The following TYR variants were observed in gnomAD, a reference collection of about 807,000 sequenced individuals.
The protein encoded by TYR is LB24-AB.
In TYR, 58 loss-of-function variants were observed where a neutral mutation model predicts 51.5. That is an observed-to-expected ratio of 1.13 (90% CI 0.91 to 1.40). The LOEUF (loss-of-function observed/expected upper bound fraction) is 1.40. Among genes scored for constraint, TYR ranks in the 40% most tolerant of loss-of-function variants. The pLI, the probability that TYR is intolerant of heterozygous loss-of-function variation, is 0.00. For synonymous variants in TYR, 263 were observed against 235.2 expected (o/e 1.12, Z -1.08); for missense variants, 732 against 647.4 (o/e 1.13, Z -1.42).
In TYR at chr11:89,220,712, C is replaced by T. The variant is rs931179880; in HGVS notation, c.1037-7111C>T. On this transcript the variant is annotated intron_variant, in intron 2 of 4. Coordinates refer to ENST00000263321, the MANE Select transcript of TYR (RefSeq NM_000372.5). ...GAGGTTGCAGTGAGCGGAGATCACA[C>T]CACTGCACTCCAGCGCCTGGGCAAC... Among the ~76,000 whole-genome samples the T allele has an allele frequency of 2.6e-5, 4 of 152,210 alleles. No individual in the cohort carries two copies. In the South Asian group the frequency reaches 6.2e-4, roughly 24 times the overall value.
At position 89,251,549 on chromosome 11, in the gene TYR, A is replaced by G. The variant is rs1188101194; in HGVS notation, c.1184+23579A>G. The stretch of plus-strand genomic sequence containing the variant: ...CAGGAAAGAAATATTACTAAATTCA[A>G]AAAGTCAAAGAGGAAATGGCAGCTG... On this transcript the variant is annotated intron_variant, in intron 3 of 4. Coordinates refer to ENST00000263321, the MANE Select transcript of TYR (RefSeq NM_000372.5). 4.6e-5 allele frequency among the ~76,000 whole-genome samples: 7 copies of G among 151,944 alleles called. 1 individual carries two copies. The East Asian group carries it at 1.3e-3, about 29-fold the overall frequency.
intron 3 of TYR, among the ~76,000 whole-genome samples, chr11:89,269,783 C>A (rs1035796928): frequency 4.0e-5 from 6 of 151,864 alleles, no homozygotes; most frequent in Non-Finnish European, 8.8e-5. Flanking sequence ...GTGTGGAGTT[C>A]TCTTAAAGGG....
At chr11:89,229,964 C>G (rs66887520) in intron 3 of TYR, among the ~76,000 whole-genome samples, 14,726 of 151,966 alleles carry the variant, frequency 0.097, 1,013 homozygotes, top group African/African-American at 0.19. Context: ...AATTACTATA[C>G]TACCCAAAGA....
chr11:89,263,064 C>T (rs936839671), intron 3 of TYR, among the ~76,000 whole-genome samples: 12 of 151,450 alleles, frequency 7.9e-5, no homozygotes, highest in African/African-American at 2.9e-4. Flanking sequence ...GAGAAAACTA[C>T]AGAACAATAA....
At chr11:89,216,647 CAAA>C (rs11411684) in intron 2 of TYR, among the ~76,000 whole-genome samples, 7,788 of 80,658 alleles carry the variant, frequency 0.097, 310 homozygotes, top group South Asian at 0.18. Context: ...TTTTCCATCT[CAAA>C]AAAAAAAAAA....
At chr11:89,271,859 A>C (rs1299981340) in intron 3 of TYR, among the ~76,000 whole-genome samples, 1 of 151,958 alleles carries the variant, frequency 6.6e-6, no homozygotes, top group Non-Finnish European at 1.5e-5. Context: ...ACCAGAAATA[A>C]GTTTCATCTC....
chr11:89,237,541 T>C (rs1944133606), intron 3 of TYR, among the ~76,000 whole-genome samples: 1 of 152,184 alleles, frequency 6.6e-6, no homozygotes, highest in Non-Finnish European at 1.5e-5. Flanking sequence ...TTCTTTTCCA[T>C]TGGTCAATAT....
chr11:89,295,476 C>A lies in TYR; in HGVS notation c.*110C>A. 2 of 1,407,784 alleles carry A rather than the reference C, an allele frequency of 1.4e-6. No individual in the cohort carries two copies. Among genetic ancestry groups the A allele is most frequent in the Non-Finnish European group, 1.9e-6 (2 of 1,026,006 alleles). 87.2% of individuals were successfully genotyped at this position (1,407,784 alleles called of 1,614,324 possible). ...GGTATTTTTCTGTAAAGACCATTTG[C>A]AAAATTGTAACCTAATACAAAGTGT... On this transcript the variant is annotated 3_prime_UTR_variant, in exon 5 of 5. Transcript: ENST00000263321.
At chr11:89,190,469 A>T (rs1443046720) in intron 1 of TYR, among the ~76,000 whole-genome samples, 1 of 152,162 alleles carries the variant, frequency 6.6e-6, no homozygotes. Context: ...TAAAGCTTAT[A>T]GGCTAAGGAT....
intron 3 of TYR, among the ~76,000 whole-genome samples, chr11:89,278,592 T>C (rs1944685359): frequency 6.6e-6 from 1 of 151,560 alleles, no homozygotes; most frequent in Admixed American, 6.6e-5. Flanking sequence ...TTTGTTCTTT[T>C]TTTAAGTAAA....
chr11:89,291,760 T>G (rs1474991978), intron 4 of TYR, among the ~76,000 whole-genome samples: 1 of 152,044 alleles, frequency 6.6e-6, no homozygotes, highest in Non-Finnish European at 1.5e-5. Flanking sequence ...TTTATTCTGC[T>G]ATATTGCCCT....
intron 3 of TYR, among the ~76,000 whole-genome samples, chr11:89,228,885 A>T (rs1014261893): frequency 6.6e-6 from 1 of 152,172 alleles, no homozygotes; most frequent in Non-Finnish European, 1.5e-5. Flanking sequence ...TCAAGAAGAA[A>T]GGAGAAAATA....
At chr11:89,272,394 C>CT (rs35724269) in intron 3 of TYR, among the ~76,000 whole-genome samples, 2,511 of 144,570 alleles carry the variant, frequency 0.017, 46 homozygotes, top group African/African-American at 0.05. Context: ...TGAATGAAAT[C>CT]TTTTTTTTTT....
At chr11:89,204,757 C>A (rs966400705) in intron 2 of TYR, among the ~76,000 whole-genome samples, 1 of 151,040 alleles carries the variant, frequency 6.6e-6, no homozygotes, top group African/African-American at 2.4e-5. Flanking sequence ...CATAAAATAC[C>A]CAAAATGTCC....
chr11:89,274,174 C>T (rs1325094330), intron 3 of TYR, among the ~76,000 whole-genome samples: 1 of 151,774 alleles, frequency 6.6e-6, no homozygotes, highest in Non-Finnish European at 1.5e-5. Flanking sequence ...TCATCTAGCT[C>T]CAGAATCTGT....
intron 3 of TYR, among the ~76,000 whole-genome samples, chr11:89,267,867 A>T (rs1350978986): frequency 6.6e-6 from 1 of 151,932 alleles, no homozygotes; most frequent in Non-Finnish European, 1.5e-5. Context: ...TGTCCTGGAA[A>T]GTGCCAAGTA....
chr11:89,258,154 C>T (rs987556193), intron 3 of TYR, among the ~76,000 whole-genome samples: 3 of 151,808 alleles, frequency 2.0e-5, no homozygotes, highest in African/African-American at 7.3e-5. Context: ...TGGTGAAAGG[C>T]GGAAAATTTT....
At chr11:89,251,219 A>G (rs906777355) in intron 3 of TYR, among the ~76,000 whole-genome samples, 14 of 151,972 alleles carry the variant, frequency 9.2e-5, no homozygotes, top group Admixed American at 7.2e-4. Flanking sequence ...AAGAACAATA[A>G]CTAATGTATA....
intron 3 of TYR, among the ~76,000 whole-genome samples, chr11:89,266,300 C>A (rs1488574924): frequency 2.0e-5 from 3 of 151,936 alleles, no homozygotes; most frequent in Admixed American, 6.6e-5. Flanking sequence ...CTTAGTCATG[C>A]ATAGAATATT....
Sources: gnomAD v4.1 joint callset for allele counts (sites outside exome capture counted in the v4.1 genomes callset) on GRCh38, gnomAD v4.1.1 for gene constraint, MANE v1.5 for transcripts, NCBI Gene and HGNC (gene_info 2026-07-23, HGNC 2026-07-21) for gene names.